The following CADPS variants were observed in gnomAD, a reference collection of about 807,000 sequenced individuals.
CADPS encodes calcium dependent secretion activator.
In CADPS, 57 loss-of-function variants were observed where a neutral mutation model predicts 167.3. That is an observed-to-expected ratio of 0.34 (90% confidence interval 0.28 to 0.42). The LOEUF is 0.42. CADPS is among the 20% of genes least tolerant of loss of function. The probability of loss-of-function intolerance (pLI) is 1.00; values close to 1 mark genes in which losing one functional copy is unlikely to be tolerated. For missense variants in CADPS, 1,414 were observed against 1,738.1 expected (o/e 0.81, Z 3.32); for synonymous variants, 676 against 635.3 (o/e 1.06, Z -0.96).
At chr3:62,771,861 A>ATT in intron 1 of CADPS, among the ~76,000 whole-genome samples, 1 of 152,334 alleles carries the variant, frequency 6.6e-6, no homozygotes, top group South Asian at 2.1e-4. Flanking sequence ...ATTCTGGAGA[A>ATT]GTGTGAAATG....
At chr3:62,746,497 T>C (rs923450876) in intron 3 of CADPS, among the ~76,000 whole-genome samples, 1 of 152,130 alleles carries the variant, frequency 6.6e-6, no homozygotes, top group Non-Finnish European at 1.5e-5. Context: ...CCACCATGCC[T>C]GGCTAATTTT....
intron 22 of CADPS, among the ~76,000 whole-genome samples, chr3:62,480,569 T>C (rs1055203325): frequency 6.6e-6 from 1 of 152,196 alleles, no homozygotes; most frequent in African/African-American, 2.4e-5. Flanking sequence ...GTCATTTTAA[T>C]GGTCTGTCCT....
intron 1 of CADPS, among the ~76,000 whole-genome samples, chr3:62,867,267 A>G (rs2153214864): frequency 6.6e-6 from 1 of 152,144 alleles, no homozygotes; most frequent in Admixed American, 6.6e-5. Flanking sequence ...CTTTCCTCAT[A>G]GTGGCTATGA....
Position 62,601,934 on chromosome 3 carries a change from G to C in CADPS, c.1326-9186C>G, listed in dbSNP as rs2060031995. ...TATGGGTAAAACAACCTTGTTCTCTGTGTTTGGGGAGCATCTGCTTGATCA... is the reference window on the plus strand; with the variant it reads ...TATGGGTAAAACAACCTTGTTCTCTCTGTTTGGGGAGCATCTGCTTGATCA... On this transcript the variant is annotated intron_variant, in intron 6 of 29. Transcript: ENST00000383710. The surrounding 1 kb of genome is among the most constrained non-coding windows in gnomAD (Gnocchi z 4.3). Among the ~76,000 whole-genome samples the C allele has an allele frequency of 6.6e-6, 1 of 152,100 alleles. No homozygotes were observed. The highest frequency in any genetic ancestry group is 1.5e-5 in the Non-Finnish European group (1 of 68,022).
At chr3:62,556,354 A>G (rs551290688) in intron 10 of CADPS, among the ~76,000 whole-genome samples, 1 of 152,174 alleles carries the variant, frequency 6.6e-6, no homozygotes, top group Non-Finnish European at 1.5e-5. Context: ...CTCGGTTGAG[A>G]TTCTGCAGGT....
At chr3:62,567,738 C>T (rs1203247454) in intron 9 of CADPS, among the ~76,000 whole-genome samples, 3 of 151,856 alleles carry the variant, frequency 2.0e-5, no homozygotes, top group African/African-American at 7.3e-5. Flanking sequence ...GCATGCCTGG[C>T]TAGTTTTTGT....
At chr3:62,700,420 C>T (rs1296489126) in intron 3 of CADPS, among the ~76,000 whole-genome samples, 1 of 151,992 alleles carries the variant, frequency 6.6e-6, no homozygotes, top group South Asian at 2.1e-4. Context: ...TAATGCAGGT[C>T]GGACATTTAG....
intron 8 of CADPS, among the ~76,000 whole-genome samples, chr3:62,574,237 C>T (rs2152477172): frequency 6.6e-6 from 1 of 152,274 alleles, no homozygotes; most frequent in Admixed American, 6.5e-5. Context: ...ATGGGTAAAT[C>T]AGATCGCCAG....
intron 1 of CADPS, among the ~76,000 whole-genome samples, chr3:62,859,698 C>T (rs890309930): frequency 6.6e-6 from 1 of 152,154 alleles, no homozygotes; most frequent in South Asian, 2.1e-4. Context: ...GGAAGGCTGA[C>T]AAATTATGTG....
chr3:62,845,944 C>T (rs886655886), intron 1 of CADPS, among the ~76,000 whole-genome samples: 1 of 152,016 alleles, frequency 6.6e-6, no homozygotes, highest in Admixed American at 6.6e-5. Flanking sequence ...GAAGGAGGGA[C>T]CTAGTGGGAG....
chr3:62,716,732 T>G (rs2084719951), intron 3 of CADPS, among the ~76,000 whole-genome samples: 1 of 152,232 alleles, frequency 6.6e-6, no homozygotes, highest in South Asian at 2.1e-4. Flanking sequence ...CGGTCCTCCA[T>G]CATCTGCTCA....
At chr3:62,435,925 A>G (rs2054922796) in intron 28 of CADPS, among the ~76,000 whole-genome samples, 1 of 151,892 alleles carries the variant, frequency 6.6e-6, no homozygotes, top group African/African-American at 2.4e-5. Flanking sequence ...TCGGAAAAAA[A>G]TATTCTCAGT....
intron 1 of CADPS, among the ~76,000 whole-genome samples, chr3:62,816,851 A>G (rs1170903897): frequency 6.6e-6 from 1 of 152,174 alleles, no homozygotes; most frequent in East Asian, 1.9e-4. Context: ...TCTTTAGTCC[A>G]CAGTGACAAA....
intron 17 of CADPS, among the ~76,000 whole-genome samples, chr3:62,509,352 A>G (rs1338934055): frequency 6.6e-6 from 1 of 151,708 alleles, no homozygotes; most frequent in East Asian, 1.9e-4. Context: ...TTAGTCCCTC[A>G]TGTATAAGAC....
At chr3:62,482,451 A>G (rs992587442) in intron 21 of CADPS, among the ~76,000 whole-genome samples, 5 of 152,216 alleles carry the variant, frequency 3.3e-5, no homozygotes, top group African/African-American at 9.6e-5. Context: ...GGGCAATGGC[A>G]TGTCAGTTGA....
chr3:62,406,337 G>A (rs545257414), intron 28 of CADPS, among the ~76,000 whole-genome samples: 130 of 152,242 alleles, frequency 8.5e-4, no homozygotes, highest in African/African-American at 2.9e-3. Flanking sequence ...TCTTCCTCAC[G>A]GGGCTCACAG....
At chr3:62,525,677 T>TTA (rs1258557110) in intron 13 of CADPS, among the ~76,000 whole-genome samples, 1 of 79,390 alleles carries the variant, frequency 1.3e-5, no homozygotes, top group Admixed American at 1.2e-4. Flanking sequence ...TGTAATGTCA[T>TTA]TATGTGTGTG....
At chr3:62,831,947 C>T (rs985570522) in intron 1 of CADPS, among the ~76,000 whole-genome samples, 7 of 152,144 alleles carry the variant, frequency 4.6e-5, no homozygotes, top group Non-Finnish European at 8.8e-5. Context: ...GATCTCTTGG[C>T]TAACAAGTAT....
intron 1 of CADPS, among the ~76,000 whole-genome samples, chr3:62,816,445 T>C (rs2094616873): frequency 6.6e-6 from 1 of 151,980 alleles, no homozygotes; most frequent in African/African-American, 2.4e-5. Context: ...CATTTGCAAA[T>C]ATCATAGAGA....
Sources: gnomAD v4.1 joint callset for allele counts (sites outside exome capture counted in the v4.1 genomes callset) on GRCh38, gnomAD v4.1.1 for gene constraint, Gnocchi (gnomAD v3.1) non-coding constraint, MANE v1.5 for transcripts, NCBI Gene and HGNC (gene_info 2026-07-23, HGNC 2026-07-21) for gene names.